Variants in EGLN1 observed in about 807,000 individuals in gnomAD.
The protein encoded by EGLN1 is egl-9 family hypoxia inducible factor 1.
In EGLN1, 17 loss-of-function variants were observed where a neutral mutation model predicts 38.3. That is an observed-to-expected ratio of 0.44 (90% CI 0.30 to 0.67). The LOEUF is 0.67. Ranked by LOEUF, EGLN1 falls within the 30% of genes least tolerant of loss-of-function variation. The pLI is 0.08. For synonymous variants in EGLN1, 283 were observed against 257.5 expected (o/e 1.10, Z -0.95); for missense variants, 477 against 603.3 (o/e 0.79, Z 2.19).
intron 1 of EGLN1, among the ~76,000 whole-genome samples, chr1:231,393,828 A>G (rs1364279333): frequency 5.3e-5 from 8 of 152,130 alleles, no homozygotes; most frequent in Non-Finnish European, 1.2e-4. Flanking sequence ...ATTATTAACT[A>G]TGTTCCCAGT....
At chr1:231,375,700 G>A (rs530371322) in intron 1 of EGLN1, among the ~76,000 whole-genome samples, 4 of 152,214 alleles carry the variant, frequency 2.6e-5, no homozygotes, top group South Asian at 2.1e-4. Context: ...AGTGTGGCAT[G>A]GGCTTAGTGG....
At chr1:231,412,008 T>A (rs958635414) in intron 1 of EGLN1, among the ~76,000 whole-genome samples, 1 of 36,800 alleles carries the variant, frequency 2.7e-5, no homozygotes, top group Non-Finnish European at 4.6e-5. Context: ...TGAGACTCCA[T>A]CTCAAAAAAA....
chr1:231,374,655 C>CT (rs1210362299), intron 1 of EGLN1, among the ~76,000 whole-genome samples: 1 of 152,034 alleles, frequency 6.6e-6, no homozygotes, highest in Non-Finnish European at 1.5e-5. Flanking sequence ...GTAGCTAGGA[C>CT]TATAAGCACG....
At chr1:231,368,105 G>A (rs868497829) in intron 3 of EGLN1, among the ~76,000 whole-genome samples, 2 of 152,132 alleles carry the variant, frequency 1.3e-5, no homozygotes, top group Non-Finnish European at 2.9e-5. Flanking sequence ...CAGGAGAATC[G>A]CTTGAACCCG....
intron 1 of EGLN1, among the ~76,000 whole-genome samples, chr1:231,375,439 C>T (rs2491403): frequency 0.55 from 82,952 of 152,036 alleles, 24,250 homozygotes; most frequent in Non-Finnish European, 0.65. Flanking sequence ...AAACAGTAAC[C>T]GAATTGTTCT....
At chr1:231,384,345 G>GA (rs1405024411) in intron 1 of EGLN1, among the ~76,000 whole-genome samples, 1 of 147,692 alleles carries the variant, frequency 6.8e-6, no homozygotes, top group Non-Finnish European at 1.5e-5. Context: ...AAAAGAAAGA[G>GA]AAAAAATTAA....
chr1:231,375,228 G>T (rs1687930721), intron 1 of EGLN1, among the ~76,000 whole-genome samples: 2 of 148,034 alleles, frequency 1.4e-5, no homozygotes, highest in Non-Finnish European at 3.0e-5. Flanking sequence ...GCTAATTTTT[G>T]TATTTTTAGT....
In EGLN1 at chr1:231,407,912, A is replaced by G. The variant is rs141008467; in HGVS notation, c.891+13086T>C. On this transcript the variant is annotated intron_variant, in intron 1 of 4. Transcript: ENST00000366641. ...GATTAAAACTCTCACACACTTTTTA[A>G]AAAGTCCCACTACAGTTTTAGAAAT... Among the ~76,000 whole-genome samples, 9 of 152,230 alleles carry G rather than the reference A, an allele frequency of 5.9e-5. No individual in the cohort carries two copies. The East Asian group carries it at 1.7e-3, about 30-fold the overall frequency.
At chr1:231,410,366 A>G (rs1688905692) in intron 1 of EGLN1, among the ~76,000 whole-genome samples, 1 of 152,224 alleles carries the variant, frequency 6.6e-6, no homozygotes, top group African/African-American at 2.4e-5. Flanking sequence ...AATGGTGCCA[A>G]TAACCACTGA....
rs897735084 is a variant in EGLN1, at chr1:231,422,090, G to C, written c.-202C>G. 6.7e-6 allele frequency: 3 copies of C among 447,218 alleles called. No homozygotes were observed. In the Admixed American group the frequency reaches 1.4e-4, roughly 21 times the overall value. 27.7% of individuals were successfully genotyped at this position (447,218 alleles called of 1,614,324 possible). On this transcript the variant is annotated 5_prime_UTR_variant, in exon 1 of 5. Coordinates refer to ENST00000366641, the MANE Select transcript of EGLN1 (RefSeq NM_022051.3). ...GAGTCCTAAGCTCCGGCGCAGCGCC[G>C]GCAGCCGCCTCAGCGCCTCATCGCC...
chr1:231,421,772 G>A lies in EGLN1; in HGVS notation c.117C>T (p.Ser39=), dbSNP rs1157864334. Residue 39 remains serine (S), a synonymous_variant, in exon 1 of 5, where the codon TCC becomes TCT. Transcript: ENST00000366641. The surrounding 1 kb of genome is among the most constrained non-coding windows in gnomAD (Gnocchi z 5.5). ...NLLRCSRCRS[S]FYCCKEHQRQ... ...GCTGGTGCTCCTTGCAGCAGTAGAA[G>A]GAGCTGCGGCAGCGGCTGCAGCGCA... 2 of 1,557,508 alleles carry A rather than the reference G, an allele frequency of 1.3e-6. No individual in the cohort carries two copies. The highest frequency in any genetic ancestry group is 1.8e-5 in the Admixed American group (1 of 55,746).
intron 1 of EGLN1, among the ~76,000 whole-genome samples, chr1:231,380,375 A>G (rs754544696): frequency 6.6e-6 from 1 of 151,716 alleles, no homozygotes; most frequent in Non-Finnish European, 1.5e-5. Flanking sequence ...TCTTGATCAC[A>G]GTAAACAACT....
rs1360660408 is a variant in EGLN1, at chr1:231,398,878, A to G, written c.891+22120T>C. On this transcript the variant is annotated intron_variant, in intron 1 of 4. Transcript: ENST00000366641. Reference sequence around the variant, plus strand: ...CCAGAAACAGACTCAAAGACAATGAATGAATCAATTCAATGCTAAGGTACC... The same window carrying G: ...CCAGAAACAGACTCAAAGACAATGAGTGAATCAATTCAATGCTAAGGTACC... Among the ~76,000 whole-genome samples the G allele has an allele frequency of 2.0e-5, 3 of 152,220 alleles. No individual in the cohort carries two copies. In the East Asian group the frequency reaches 5.8e-4, roughly 29 times the overall value.
At chr1:231,385,004 T>C (rs557905425) in intron 1 of EGLN1, among the ~76,000 whole-genome samples, 1 of 152,296 alleles carries the variant, frequency 6.6e-6, no homozygotes, top group Admixed American at 6.5e-5. Flanking sequence ...GTTAGAAGGC[T>C]ACCGCATAAA....
chr1:231,408,831 A>G (rs1688857369), intron 1 of EGLN1, among the ~76,000 whole-genome samples: 1 of 152,116 alleles, frequency 6.6e-6, no homozygotes, highest in Non-Finnish European at 1.5e-5. Context: ...GCAAGAAGCA[A>G]GTTAGAGGAC....
chr1:231,407,262 T>C (rs1688824111), intron 1 of EGLN1, among the ~76,000 whole-genome samples: 1 of 152,198 alleles, frequency 6.6e-6, no homozygotes, highest in South Asian at 2.1e-4. Flanking sequence ...GATTAAATCC[T>C]TGAATCTAGA....
At chr1:231,368,028 G>GA (rs947863510) in intron 3 of EGLN1, among the ~76,000 whole-genome samples, 8 of 148,984 alleles carry the variant, frequency 5.4e-5, no homozygotes, top group East Asian at 3.9e-4. Context: ...CTAAAAAAAA[G>GA]AAAAAAAAAA....
chr1:231,409,891 G>C (rs1341439819), intron 1 of EGLN1, among the ~76,000 whole-genome samples: 1 of 147,752 alleles, frequency 6.8e-6, no homozygotes, highest in African/African-American at 2.6e-5. Flanking sequence ...GTTAGAAAAT[G>C]TGTCTAAAAT....
chr1:231,421,787 G>A lies in EGLN1; in HGVS notation c.102C>T (p.Ser34=), dbSNP rs1378168672. The A allele has an allele frequency of 1.3e-6, 2 of 1,558,292 alleles. No homozygotes were observed. The highest frequency in any genetic ancestry group is 2.4e-5 in the East Asian group (1 of 40,888). Residue 34 remains serine (S), a synonymous_variant, in exon 1 of 5, where the codon AGC becomes AGT. Transcript: ENST00000366641. The surrounding 1 kb of genome is among the most constrained non-coding windows in gnomAD (Gnocchi z 5.5). ...CGKMENLLRC[S]RCRSSFYCCK... is the part of the protein sequence containing the mutation. ...AGCAGTAGAAGGAGCTGCGGCAGCG[G>A]CTGCAGCGCAGCAGGTTCTCCATCT...
Sources: allele counts gnomAD v4.1 joint callset (sites outside exome capture counted in the v4.1 genomes callset), GRCh38; gene constraint gnomAD v4.1.1; non-coding constraint Gnocchi (gnomAD v3.1); transcripts MANE v1.5; gene names NCBI Gene and HGNC (gene_info 2026-07-23, HGNC 2026-07-21).